IFFO2: variants seen among roughly 807,000 people sequenced by gnomAD.
IFFO2 encodes intermediate filament family orphan 2.
IFFO2 carries 19 observed loss-of-function variants against 53.5 expected under a neutral mutation model. The observed-to-expected ratio is 0.36, with a 90% confidence interval of 0.25 to 0.52. The LOEUF (loss-of-function observed/expected upper bound fraction) is 0.52, where lower values mean the gene tolerates loss of function less well. Among genes scored for constraint, IFFO2 ranks in the 20% least tolerant of loss-of-function variants. The pLI, the probability that IFFO2 is intolerant of heterozygous loss-of-function variation, is 0.94. For missense variants in IFFO2, 570 were observed against 727.4 expected (o/e 0.78, Z 2.49); for synonymous variants, 303 against 313.6 (o/e 0.97, Z 0.36).
chr1:18,955,813 C>T lies in IFFO2; in HGVS notation c.520G>A (p.Gly174Ser), dbSNP rs1936717348. Residue 174 changes from glycine (G) to serine (S), a missense_variant, in exon 1 of 9, where the codon GGC (glycine) becomes AGC (serine). Gly to Ser is a moderately conservative substitution (Grantham distance 56). Coordinates refer to ENST00000455833, the MANE Select transcript of IFFO2 (RefSeq NM_001136265.2). ...YTQVRRTGGGGVETVQGPGVS... is the reference protein window; with the variant it reads ...YTQVRRTGGGSVETVQGPGVS... Reference sequence around the variant, plus strand: ...CCGGGGCCCTGCACGGTCTCCACGCCGCCGCCGCCCGTGCGCCGCACCTGC... The same window carrying T: ...CCGGGGCCCTGCACGGTCTCCACGCTGCCGCCGCCCGTGCGCCGCACCTGC... 1.3e-6 allele frequency: 2 copies of T among 1,523,230 alleles called. No homozygotes were observed. The highest frequency in any genetic ancestry group is 8.8e-7 in the Non-Finnish European group (1 of 1,142,246). The allele number at this position is 1,523,230 out of a possible 1,614,324, so 94.4% of individuals were successfully genotyped here.
intron 1 of IFFO2, among the ~76,000 whole-genome samples, chr1:18,938,513 C>T (rs1936478144): frequency 6.6e-6 from 1 of 152,202 alleles, no homozygotes; most frequent in Non-Finnish European, 1.5e-5. Context: ...ACACCGTAGG[C>T]CCTCAACCGC....
Position 18,919,867 on chromosome 1 carries a change from T to C in IFFO2, c.727-94A>G, listed in dbSNP as rs1231184140. ...TGAGTCCAGAGCCCTAGGCACCCGATGTCCACCCCAGCTGGGCACCTGCAG... is the reference window on the plus strand; with the variant it reads ...TGAGTCCAGAGCCCTAGGCACCCGACGTCCACCCCAGCTGGGCACCTGCAG... On this transcript the variant is annotated intron_variant, in intron 2 of 8. Transcript: ENST00000455833. This position sits in a 1 kb window ranked among gnomAD's most constrained non-coding sequence, Gnocchi z 4.9. 4.9e-6 allele frequency: 4 copies of C among 820,990 alleles called. No individual in the cohort carries two copies. The Admixed American group carries it at 9.4e-5, about 19-fold the overall frequency. The allele number at this position is 820,990 out of a possible 1,614,324, so 50.9% of individuals were successfully genotyped here. A position where few individuals can be genotyped will look rare whatever the true frequency, so the allele number is the denominator to read the frequency against.
At chr1:18,912,655 G>A (rs1277961126) in intron 5 of IFFO2, among the ~76,000 whole-genome samples, 2 of 152,144 alleles carry the variant, frequency 1.3e-5, no homozygotes, top group African/African-American at 2.4e-5. Context: ...CACTGGACCA[G>A]CCACTAAGCA....
intron 1 of IFFO2, among the ~76,000 whole-genome samples, chr1:18,935,999 G>A (rs888887252): frequency 1.3e-5 from 2 of 150,550 alleles, no homozygotes; most frequent in South Asian, 2.1e-4. Flanking sequence ...GAGCCACTGC[G>A]CCCGGCCCTC....
At chr1:18,954,445 A>G (rs1936698989) in intron 1 of IFFO2, among the ~76,000 whole-genome samples, 1 of 152,232 alleles carries the variant, frequency 6.6e-6, no homozygotes, top group Admixed American at 6.5e-5. Context: ...CAATGGGAGA[A>G]TACGGAAGGA....
chr1:18,910,576 C>A, intron 7 of IFFO2, 104 bp from the exon 8 acceptor site: 1 of 1,337,668 alleles, frequency 7.5e-7, no homozygotes, highest in Non-Finnish European at 1.0e-6. Flanking sequence ...GCCATCAAGG[C>A]CACCATTGGA....
chr1:18,918,400 G>C lies in IFFO2; in HGVS notation c.925C>G (p.Gln309Glu). 1 of 1,554,082 alleles carries C rather than the reference G, an allele frequency of 6.4e-7. No individual in the cohort carries two copies. The highest frequency in any genetic ancestry group is 8.7e-7 in the Non-Finnish European group (1 of 1,148,200). ...DITAKLCDVA[Q>E]QRNSEDVSKI... ...GACACGTCTTCTGAGTTCCGCTGCT[G>C]TGCGACATCGCACAGCTTGGCCGTG... is the stretch of plus-strand genomic sequence containing the variant. Residue 309 changes from glutamine (Q) to glutamate (E), a missense_variant, in exon 4 of 9, where the codon CAG becomes GAG. Gln to Glu is a conservative substitution (Grantham distance 29). Coordinates refer to ENST00000455833, the MANE Select transcript of IFFO2 (RefSeq NM_001136265.2). This position sits in a 1 kb window ranked among gnomAD's most constrained non-coding sequence, Gnocchi z 5.2.
In IFFO2 at chr1:18,956,262, C is replaced by T; in HGVS notation, c.71G>A (p.Gly24Asp). 2.1e-6 allele frequency: 2 copies of T among 936,984 alleles called. No homozygotes were observed. The highest frequency in any genetic ancestry group is 2.6e-6 in the Non-Finnish European group (2 of 759,016). The allele number at this position is 936,984 out of a possible 1,614,324, so 58.0% of individuals were successfully genotyped here. ...GCCGCCGCCGCCCCCGCCAGGGCAGCCCCCGCCGCCGCCGCCCGGCGGGCA... is the reference window on the plus strand; with the variant it reads ...GCCGCCGCCGCCCCCGCCAGGGCAGTCCCCGCCGCCGCCGCCCGGCGGGCA... ...FGCPPGGGGG[G>D]CPGGGGGGGG... is the part of the protein sequence containing the mutation. Residue 24 changes from glycine to aspartate, a missense_variant, in exon 1 of 9, where the codon GGC becomes GAC. By Grantham distance (94) the Gly-to-Asp change is moderately conservative. Coordinates refer to ENST00000455833, the MANE Select transcript of IFFO2 (RefSeq NM_001136265.2). The surrounding 1 kb of genome is among the most constrained non-coding windows in gnomAD (Gnocchi z 6.4).
Position 18,919,628 on chromosome 1 carries a change from G to T in IFFO2, c.822+50C>A. On this transcript the variant is annotated intron_variant, in intron 3 of 8. Transcript: ENST00000455833. The surrounding 1 kb of genome is among the most constrained non-coding windows in gnomAD (Gnocchi z 4.9). ...TCGGAGGGAATGAAGCATTTTGCAT[G>T]ATGGGTGTGGGGGAGGTCATGACAC... 8.2e-7 allele frequency: 1 copy of T among 1,217,046 alleles called. No homozygotes were observed. The highest frequency in any genetic ancestry group is 1.2e-6 in the Non-Finnish European group (1 of 841,708). The allele number at this position is 1,217,046 out of a possible 1,614,324, so 75.4% of individuals were successfully genotyped here.
At chr1:18,945,771 A>C (rs1936579982) in intron 1 of IFFO2, among the ~76,000 whole-genome samples, 1 of 152,228 alleles carries the variant, frequency 6.6e-6, no homozygotes, top group Non-Finnish European at 1.5e-5. Flanking sequence ...TCCTCTCCCC[A>C]GAACCCCCAG....
intron 1 of IFFO2, among the ~76,000 whole-genome samples, chr1:18,945,178 G>A (rs1936570170): frequency 6.6e-6 from 1 of 152,152 alleles, no homozygotes; most frequent in South Asian, 2.1e-4. Context: ...GACTGGCCCT[G>A]AACTGGCTTG....
intron 1 of IFFO2, among the ~76,000 whole-genome samples, chr1:18,933,186 A>G (rs1437575633): frequency 6.6e-6 from 1 of 152,260 alleles, no homozygotes; most frequent in Non-Finnish European, 1.5e-5. Flanking sequence ...CTCCAGCCTC[A>G]GATCCTCAAT....
rs1228434069 is a variant in IFFO2 at position 18,918,327 on chromosome 1, G to A, written c.963+35C>T. 1.3e-6 allele frequency: 2 copies of A among 1,540,392 alleles called. No individual in the cohort carries two copies. Among genetic ancestry groups the A allele is most frequent in the Non-Finnish European group, 1.8e-6 (2 of 1,137,664 alleles). ...AGGCCAGGGCTGCTCTGGGAGAGTG[G>A]GGGGTTGGCTGGTGAGCAGGGCAGC... On this transcript the variant is annotated intron_variant, in intron 4 of 8. Transcript: ENST00000455833. The surrounding 1 kb of genome is among the most constrained non-coding windows in gnomAD (Gnocchi z 5.2).
At chr1:18,935,657 C>T (rs1936438261) in intron 1 of IFFO2, among the ~76,000 whole-genome samples, 1 of 151,374 alleles carries the variant, frequency 6.6e-6, no homozygotes, top group South Asian at 2.1e-4. Flanking sequence ...CCCTGCTGGT[C>T]TCCTCTGCTT....
At chr1:18,942,985 C>T (rs1203143381) in intron 1 of IFFO2, among the ~76,000 whole-genome samples, 2 of 151,824 alleles carry the variant, frequency 1.3e-5, no homozygotes, top group African/African-American at 2.4e-5. Context: ...ATTACAGGCT[C>T]GTGCCACCAC....
At chr1:18,926,102 ATTGG>A (rs1557643373) in intron 1 of IFFO2, among the ~76,000 whole-genome samples, 4 of 44,008 alleles carry the variant, frequency 9.1e-5, no homozygotes, top group African/African-American at 2.9e-4. Flanking sequence ...GGATGGATGG[ATTGG>A]TTGGATGGAT....
At chr1:18,940,333 C>T (rs1936503556) in intron 1 of IFFO2, among the ~76,000 whole-genome samples, 1 of 152,192 alleles carries the variant, frequency 6.6e-6, no homozygotes, top group Admixed American at 6.5e-5. Flanking sequence ...AGCTCCGCCA[C>T]TCGCCCCGTG....
In IFFO2 at chr1:18,911,848, C is replaced by T. The variant is rs565549710; in HGVS notation, c.1224+115G>A. The T allele has an allele frequency of 7.4e-6, 10 of 1,343,994 alleles. No homozygotes were observed. The Admixed American group carries it at 1.1e-4, about 15-fold the overall frequency. 83.3% of individuals were successfully genotyped at this position (1,343,994 alleles called of 1,614,324 possible). A position where few individuals can be genotyped will look rare whatever the true frequency, so the allele number is the denominator to read the frequency against. On this transcript the variant is annotated intron_variant, in intron 6 of 8. Transcript: ENST00000455833. ...GCCACTGCGCCTGGCCCAAAGGGGA[C>T]AGTTTAGCTGTGTGGTGGGGGCTGT...
At chr1:18,913,320 A>G (rs368184248) in intron 5 of IFFO2, among the ~76,000 whole-genome samples, 12 of 152,230 alleles carry the variant, frequency 7.9e-5, no homozygotes, top group African/African-American at 2.7e-4. Flanking sequence ...GGTGCTGGAG[A>G]GGGCCGTGTG....
Sources: allele counts gnomAD v4.1 joint callset (sites outside exome capture counted in the v4.1 genomes callset), GRCh38; gene constraint gnomAD v4.1.1; non-coding constraint Gnocchi (gnomAD v3.1); transcripts MANE v1.5; gene names NCBI Gene and HGNC (gene_info 2026-07-23, HGNC 2026-07-21).